Variants in VAMP5 observed in about 807,000 individuals in gnomAD.
The protein encoded by VAMP5 is vesicle associated membrane protein 5.
A neutral mutation model predicts 8.1 loss-of-function variants in VAMP5; 10 were observed. That is an observed-to-expected ratio of 1.23 (90% CI 0.76 to 2.09). The LOEUF (loss-of-function observed/expected upper bound fraction) is 2.09. Among genes scored for constraint, VAMP5 ranks in the 30% most tolerant of loss-of-function variants. The probability of loss-of-function intolerance (pLI) is 0.00; values close to 1 mark genes in which losing one functional copy is unlikely to be tolerated. For missense variants in VAMP5, 135 were observed against 152.5 expected (o/e 0.89, Z 0.60); for synonymous variants, 62 against 60.6 (o/e 1.02, Z -0.11).
intron 1 of VAMP5, 97 bp downstream of exon 1, chr2:85,584,590 C>T (rs1386659719): frequency 8.2e-7 from 1 of 1,217,936 alleles, no homozygotes; most frequent in Non-Finnish European, 1.0e-6. Flanking sequence ...CTGGGGCCTC[C>T]CCTGGGGCCC....
intron 1 of VAMP5, 47 bp downstream of exon 1, chr2:85,584,540 G>A: frequency 1.6e-6 from 2 of 1,236,506 alleles, no homozygotes; most frequent in Non-Finnish European, 2.0e-6. Context: ...GGCAGAGGGC[G>A]AGTGGCGAGG....
chr2:85,587,366 G>A (rs772723354), intron 1 of VAMP5, among the ~76,000 whole-genome samples: 29 of 151,554 alleles, frequency 1.9e-4, no homozygotes, highest in Non-Finnish European at 3.4e-4. Flanking sequence ...TGATCCTCCT[G>A]CCTCAGCCTC....
At chr2:85,589,930 T>C (rs770765973) in intron 1 of VAMP5, among the ~76,000 whole-genome samples, 4 of 152,186 alleles carry the variant, frequency 2.6e-5, no homozygotes, top group Non-Finnish European at 5.9e-5. Flanking sequence ...AGTGCTGGGA[T>C]TACAGGTGTG....
intron 1 of VAMP5, among the ~76,000 whole-genome samples, chr2:85,591,152 C>T (rs1193947472): frequency 6.6e-6 from 1 of 152,342 alleles, no homozygotes; most frequent in South Asian, 2.1e-4. Context: ...GCAGAACTGG[C>T]CTGACCAGTC....
At chr2:85,590,471 A>G (rs1364676389) in intron 1 of VAMP5, among the ~76,000 whole-genome samples, 2 of 152,146 alleles carry the variant, frequency 1.3e-5, no homozygotes, top group Non-Finnish European at 2.9e-5. Flanking sequence ...TACAGTGGGA[A>G]TTCTTGGAGG....
Position 85,593,289 on chromosome 2 carries a change from C to A in VAMP5, c.*132C>A. On this transcript the variant is annotated 3_prime_UTR_variant, in exon 3 of 3. Transcript: ENST00000306384. ...GGCAGCCCCAACATGTGCACCCCTG[C>A]ATTTCCTGTCATGCCACAGACTGGC... The A allele has an allele frequency of 1.1e-6, 1 of 939,022 alleles. No individual in the cohort carries two copies. Among genetic ancestry groups the A allele is most frequent in the Non-Finnish European group, 1.6e-6 (1 of 615,670 alleles). 58.2% of individuals were successfully genotyped at this position (939,022 alleles called of 1,614,324 possible).
At chr2:85,584,519 G>A in intron 1 of VAMP5, 26 bp downstream of exon 1, 6 of 1,237,540 alleles carry the variant, frequency 4.8e-6, no homozygotes, top group Non-Finnish European at 6.1e-6. Context: ...GGGCCGGCCA[G>A]CCCTGCGACG....
chr2:85,589,331 G>A (rs1558824724), intron 1 of VAMP5, among the ~76,000 whole-genome samples: 2 of 152,154 alleles, frequency 1.3e-5, no homozygotes, highest in Non-Finnish European at 2.9e-5. Context: ...TGGGGGCCAA[G>A]GAGGGCCCGA....
chr2:85,593,371 T>A lies in VAMP5; in HGVS notation c.*214T>A. 1 of 598,982 alleles carries A rather than the reference T, an allele frequency of 1.7e-6. No homozygotes were observed. Among genetic ancestry groups the A allele is most frequent in the Non-Finnish European group, 3.0e-6 (1 of 337,998 alleles). The allele number at this position is 598,982 out of a possible 1,614,324, so 37.1% of individuals were successfully genotyped here. A position where few individuals can be genotyped will look rare whatever the true frequency, so the allele number is the denominator to read the frequency against. ...TGGGCCAGCCCCACCTGGAGCTCAG[T>A]AAAAACTGCTGTTTGATTAAAAGCT... On this transcript the variant is annotated 3_prime_UTR_variant, in exon 3 of 3. Coordinates refer to ENST00000306384, the MANE Select transcript of VAMP5 (RefSeq NM_006634.3).
intron 1 of VAMP5, among the ~76,000 whole-genome samples, chr2:85,590,140 G>C (rs1023896362): frequency 6.6e-6 from 1 of 152,184 alleles, no homozygotes; most frequent in Non-Finnish European, 1.5e-5. Flanking sequence ...TGTGAGCGCA[G>C]CCTCCCCTAC....
chr2:85,591,322 C>A (rs191064429), intron 1 of VAMP5, among the ~76,000 whole-genome samples: 1 of 152,344 alleles, frequency 6.6e-6, no homozygotes, highest in East Asian at 1.9e-4. Flanking sequence ...TTCTTTGCTG[C>A]CTTCTTAGGC....
intron 1 of VAMP5, among the ~76,000 whole-genome samples, chr2:85,588,982 CTT>C (rs1298035853): frequency 1.3e-5 from 2 of 152,162 alleles, no homozygotes; most frequent in South Asian, 4.1e-4. Context: ...AAAGTGGTCT[CTT>C]TAAGAATAGG....
Position 85,593,353 on chromosome 2 carries a change from G to GC in VAMP5, c.*200dup. ...CTGCTGTACTGGCCATGCTGGGCCA[G>GC]CCCCACCTGGAGCTCAGTAAAAACT... On this transcript the variant is annotated 3_prime_UTR_variant, in exon 3 of 3. Coordinates refer to ENST00000306384, the MANE Select transcript of VAMP5 (RefSeq NM_006634.3). 3.2e-6 allele frequency: 2 copies of GC among 624,262 alleles called. No homozygotes were observed. The highest frequency in any genetic ancestry group is 5.6e-6 in the Non-Finnish European group (2 of 356,438). The allele number at this position is 624,262 out of a possible 1,614,324, so 38.7% of individuals were successfully genotyped here.
intron 1 of VAMP5, chr2:85,591,518 G>C (rs1487290925): frequency 1.5e-6 from 1 of 669,246 alleles, no homozygotes; most frequent in Non-Finnish European, 2.4e-6. Context: ...TGACGTGCAA[G>C]GGGAGGAGCC....
At chr2:85,587,836 T>C (rs937076168) in intron 1 of VAMP5, among the ~76,000 whole-genome samples, 1 of 152,192 alleles carries the variant, frequency 6.6e-6, no homozygotes, top group Non-Finnish European at 1.5e-5. Flanking sequence ...AGCAGAGCCC[T>C]GCTCCTAGTC....
intron 1 of VAMP5, among the ~76,000 whole-genome samples, chr2:85,588,838 T>C (rs1286325355): frequency 6.6e-6 from 1 of 152,092 alleles, no homozygotes; most frequent in Non-Finnish European, 1.5e-5. Context: ...CCCTGCTCCA[T>C]GTCATCCTTC....
intron 2 of VAMP5, among the ~76,000 whole-genome samples, 197 bp downstream of exon 2, chr2:85,592,059 A>C (rs905358776): frequency 6.6e-6 from 1 of 152,108 alleles, no homozygotes. Context: ...CCTTGGTTTG[A>C]AGCTGTGGAC....
chr2:85,593,309 A>G lies in VAMP5; in HGVS notation c.*152A>G. The G allele has an allele frequency of 1.2e-6, 1 of 858,940 alleles. No individual in the cohort carries two copies. 53.2% of individuals were successfully genotyped at this position (858,940 alleles called of 1,614,324 possible). ...CCCTGCATTTCCTGTCATGCCACAG[A>G]CTGGCCCTTGAGGGCAGCCTGCTGT... On this transcript the variant is annotated 3_prime_UTR_variant, in exon 3 of 3. Coordinates refer to ENST00000306384, the MANE Select transcript of VAMP5 (RefSeq NM_006634.3).
rs1672532142 is a variant in VAMP5, at chr2:85,591,075, C to T, written c.4-650C>T. Among the ~76,000 whole-genome samples the T allele has an allele frequency of 3.3e-5, 5 of 152,216 alleles. No homozygotes were observed. In the South Asian group the frequency reaches 1.0e-3, roughly 31 times the overall value. On this transcript the variant is annotated intron_variant, in intron 1 of 2. Transcript: ENST00000306384. Reference sequence around the variant, plus strand: ...GAAGGCTGGAGGCCAAAAACCGGTACCACTGAGGTTCCCAGACGGAGAGGG... The same window carrying T: ...GAAGGCTGGAGGCCAAAAACCGGTATCACTGAGGTTCCCAGACGGAGAGGG...
Sources: gnomAD v4.1 joint callset for allele counts (sites outside exome capture counted in the v4.1 genomes callset) on GRCh38, gnomAD v4.1.1 for gene constraint, MANE v1.5 for transcripts, NCBI Gene and HGNC (gene_info 2026-07-23, HGNC 2026-07-21) for gene names.